Variants in IPCEF1 observed in about 807,000 individuals in gnomAD.
IPCEF1 encodes interactor protein for cytohesin exchange factors 1.
IPCEF1 carries 31 observed loss-of-function variants against 50.9 expected under a neutral mutation model. The observed-to-expected ratio is 0.61, with a 90% CI of 0.46 to 0.82. The LOEUF is 0.82. Ranked by LOEUF, IPCEF1 falls within the 40% of genes least tolerant of loss-of-function variation. IPCEF1 has a pLI of 0.00. For missense variants in IPCEF1, 458 were observed against 514.0 expected (o/e 0.89, Z 1.05); for synonymous variants, 181 against 192.0 (o/e 0.94, Z 0.47).
At chr6:154,244,297 G>GGGGT (rs1307383951) in intron 5 of IPCEF1, among the ~76,000 whole-genome samples, 19 of 76,900 alleles carry the variant, frequency 2.5e-4, no homozygotes, top group African/African-American at 1.0e-3. Flanking sequence ...TGTGTGTGTG[G>GGGGT]GTGGGTGTGT....
chr6:154,288,667 C>CAAACAAA (rs1782427642), intron 2 of IPCEF1, among the ~76,000 whole-genome samples: 2 of 112,650 alleles, frequency 1.8e-5, no homozygotes, highest in Non-Finnish European at 3.7e-5. Context: ...GTCTAAAAAA[C>CAAACAAA]AAAAAAAACA....
intron 10 of IPCEF1, among the ~76,000 whole-genome samples, chr6:154,189,514 T>C (rs1801676663): frequency 1.3e-5 from 2 of 152,094 alleles, no homozygotes; most frequent in Admixed American, 6.6e-5. Context: ...ACTTAATAAA[T>C]AGAGAGACTA....
intron 5 of IPCEF1, among the ~76,000 whole-genome samples, chr6:154,224,835 A>G (rs1779132037): frequency 1.3e-5 from 2 of 152,178 alleles, no homozygotes. Context: ...TCATATGTAT[A>G]TTATATATAT....
chr6:154,281,361 A>G (rs1184458793), intron 2 of IPCEF1, among the ~76,000 whole-genome samples: 11 of 151,664 alleles, frequency 7.3e-5, no homozygotes, highest in Admixed American at 7.2e-4. Flanking sequence ...TCGAAAAAAA[A>G]AAAAATTTTT....
In IPCEF1 at chr6:154,194,711, C is replaced by T. The variant is rs114851800; in HGVS notation, c.910+4957G>A. On this transcript the variant is annotated intron_variant, in intron 10 of 11. Transcript: ENST00000367220. ...ATGAAAAACAAAGGTAATGTAAAAT[C>T]TAAGTACTATGAATGGCCTACTTAA... Among the ~76,000 whole-genome samples, 459 of 152,242 alleles carry T rather than the reference C, an allele frequency of 3.0e-3. 4 individuals are homozygous for T. The highest frequency in any genetic ancestry group is 0.01 in the African/African-American group (434 of 41,536).
At chr6:154,241,017 C>A (rs1448429983) in intron 5 of IPCEF1, among the ~76,000 whole-genome samples, 1 of 152,048 alleles carries the variant, frequency 6.6e-6, no homozygotes, top group Admixed American at 6.6e-5. Context: ...GCGGGCAAAT[C>A]ATGAGGTCAA....
chr6:154,319,168 C>T (rs1418441997), intron 1 of IPCEF1, among the ~76,000 whole-genome samples: 1 of 152,044 alleles, frequency 6.6e-6, no homozygotes, highest in Non-Finnish European at 1.5e-5. Flanking sequence ...TTTTCCCTTC[C>T]CTCCCCTTAC....
chr6:154,242,918 C>G (rs1780713413), intron 5 of IPCEF1, among the ~76,000 whole-genome samples: 1 of 152,000 alleles, frequency 6.6e-6, no homozygotes, highest in Non-Finnish European at 1.5e-5. Flanking sequence ...ATAGGCCACT[C>G]AGGCAGCAGA....
intron 2 of IPCEF1, among the ~76,000 whole-genome samples, chr6:154,281,199 A>T (rs1782201830): frequency 6.7e-6 from 1 of 150,216 alleles, no homozygotes; most frequent in Non-Finnish European, 1.5e-5. Context: ...AAAAAAAAAA[A>T]AAAAAAAGCC....
At chr6:154,250,628 T>C (rs1004191758) in intron 3 of IPCEF1, among the ~76,000 whole-genome samples, 1 of 152,242 alleles carries the variant, frequency 6.6e-6, no homozygotes. Context: ...TCCTTTGATA[T>C]TGAATGTTGG....
chr6:154,314,354 A>G (rs995533428), intron 1 of IPCEF1, among the ~76,000 whole-genome samples: 1 of 152,232 alleles, frequency 6.6e-6, no homozygotes, highest in Non-Finnish European at 1.5e-5. Flanking sequence ...AAGGCCAAGC[A>G]TATTGGAAAG....
chr6:154,355,464 T>C (rs889793398), intron 1 of IPCEF1, among the ~76,000 whole-genome samples: 3 of 151,908 alleles, frequency 2.0e-5, no homozygotes, highest in Non-Finnish European at 4.4e-5. Context: ...GTGTGTTCTT[T>C]CCATTTCTGT....
At position 154,161,936 on chromosome 6, in the gene IPCEF1, G is replaced by A. The variant is rs556033209; in HGVS notation, c.1105-1896C>T. 2.0e-5 allele frequency among the ~76,000 whole-genome samples: 3 copies of A among 152,200 alleles called. No individual in the cohort carries two copies. In the South Asian group the frequency reaches 6.2e-4, roughly 32 times the overall value. ...TCCTTTTTCTGGCAGTCTCCCAAAT[G>A]ACTATTTCAAAACTCTTCTCATCTC... On this transcript the variant is annotated intron_variant, in intron 11 of 11. Coordinates refer to ENST00000367220, the MANE Select transcript of IPCEF1 (RefSeq NM_001130700.2).
At chr6:154,343,668 G>A (rs1366209667) in intron 1 of IPCEF1, among the ~76,000 whole-genome samples, 1 of 152,184 alleles carries the variant, frequency 6.6e-6, no homozygotes, top group South Asian at 2.1e-4. Context: ...CATTGACCCA[G>A]GTGTGCTGTG....
intron 10 of IPCEF1, among the ~76,000 whole-genome samples, chr6:154,192,365 T>C (rs1204986126): frequency 6.6e-6 from 1 of 151,330 alleles, no homozygotes; most frequent in African/African-American, 2.4e-5. Context: ...TGCATGTGTG[T>C]GTATTTATGG....
At chr6:154,180,219 G>A (rs1243278621) in intron 10 of IPCEF1, among the ~76,000 whole-genome samples, 1 of 151,960 alleles carries the variant, frequency 6.6e-6, no homozygotes, top group African/African-American at 2.4e-5. Flanking sequence ...GAGTTGGTGC[G>A]AATTTGGGTT....
At chr6:154,187,219 A>G (rs976557444) in intron 10 of IPCEF1, among the ~76,000 whole-genome samples, 7 of 152,114 alleles carry the variant, frequency 4.6e-5, no homozygotes, top group Non-Finnish European at 8.8e-5. Context: ...AGGACTACCA[A>G]TGTAAAATCA....
chr6:154,280,060 C>T (rs1583939554), intron 2 of IPCEF1, among the ~76,000 whole-genome samples: 2 of 152,138 alleles, frequency 1.3e-5, no homozygotes, highest in South Asian at 2.1e-4. Flanking sequence ...CAATGCCAAG[C>T]GTTGGCAAGA....
chr6:154,229,942 C>T (rs758674454), intron 5 of IPCEF1, among the ~76,000 whole-genome samples: 4 of 152,118 alleles, frequency 2.6e-5, no homozygotes, highest in African/African-American at 4.8e-5. Context: ...AAACATTCTG[C>T]TAAGTGAAAG....
Sources: gnomAD v4.1 joint callset for allele counts (sites outside exome capture counted in the v4.1 genomes callset) on GRCh38, gnomAD v4.1.1 for gene constraint, MANE v1.5 for transcripts, NCBI Gene and HGNC (gene_info 2026-07-23, HGNC 2026-07-21) for gene names.